Variants in DPP10 observed in about 807,000 individuals in gnomAD.
DPP10 encodes inactive dipeptidyl peptidase 10.
In DPP10, 33 loss-of-function variants were observed where a neutral mutation model predicts 120.9. The ratio of observed to expected loss-of-function variants is 0.27; its 90% CI spans 0.21 to 0.37. The LOEUF (loss-of-function observed/expected upper bound fraction) is 0.37. Among genes scored for constraint, DPP10 ranks in the 10% least tolerant of loss-of-function variants. The pLI is 1.00. For missense variants in DPP10, 816 were observed against 942.8 expected (o/e 0.87, Z 1.76); for synonymous variants, 337 against 326.1 (o/e 1.03, Z -0.36).
Position 114,800,368 on chromosome 2 carries a change from G to C in DPP10, c.60+357530G>C, listed in dbSNP as rs79101917. On this transcript the variant is annotated intron_variant, in intron 1 of 25. Transcript: ENST00000410059. ...TTACTTTTTATACATTCCAGATAAT[G>C]TGTTTTATTTTTCTAGAACACTGAT... Among the ~76,000 whole-genome samples the C allele has an allele frequency of 2.4e-4, 37 of 152,320 alleles. 1 individual carries two copies. The East Asian group carries it at 6.4e-3, about 26-fold the overall frequency.
intron 1 of DPP10, among the ~76,000 whole-genome samples, chr2:115,157,004 AAAAATAAAGAGC>A (rs1373070360): frequency 6.6e-6 from 1 of 152,172 alleles, no homozygotes; most frequent in Non-Finnish European, 1.5e-5. Flanking sequence ...ACAACTCTTA[AAAAATAAAGAGC>A]AAAATAAAGA....
chr2:114,611,752 C>G (rs569877220), intron 1 of DPP10, among the ~76,000 whole-genome samples: 1 of 152,108 alleles, frequency 6.6e-6, no homozygotes, highest in East Asian at 1.9e-4. Context: ...AATAAATCAC[C>G]CAAGATATTA....
chr2:114,597,325 A>C (rs1691996550), intron 1 of DPP10, among the ~76,000 whole-genome samples: 1 of 152,034 alleles, frequency 6.6e-6, no homozygotes, highest in Non-Finnish European at 1.5e-5. Flanking sequence ...AACATAATTC[A>C]GTCTTACAAG....
chr2:114,495,876 T>C (rs939674763), intron 1 of DPP10, among the ~76,000 whole-genome samples: 1 of 152,184 alleles, frequency 6.6e-6, no homozygotes, highest in South Asian at 2.1e-4. Context: ...TAACTGAATA[T>C]ATAGATAGAC....
At chr2:115,146,424 T>C (rs1243600597) in intron 1 of DPP10, among the ~76,000 whole-genome samples, 1 of 152,132 alleles carries the variant, frequency 6.6e-6, no homozygotes, top group Admixed American at 6.5e-5. Context: ...CTTTGAAGTA[T>C]ATTTACAAAA....
Position 114,546,335 on chromosome 2 carries a change from A to G in DPP10, c.60+103497A>G, listed in dbSNP as rs566021382. Among the ~76,000 whole-genome samples the G allele has an allele frequency of 5.3e-5, 8 of 152,256 alleles. No individual in the cohort carries two copies. The East Asian group carries it at 9.7e-4, about 18-fold the overall frequency. ...AAGAGCAAGTGGGGAGGTACCACAC[A>G]GTTTTAAATGACCAGATCTCATGAG... On this transcript the variant is annotated intron_variant, in intron 1 of 25. Coordinates refer to ENST00000410059, the MANE Select transcript of DPP10 (RefSeq NM_020868.6).
At chr2:114,683,482 T>TCCC in intron 1 of DPP10, among the ~76,000 whole-genome samples, 2 of 150,730 alleles carry the variant, frequency 1.3e-5, no homozygotes, top group Non-Finnish European at 3.0e-5. Flanking sequence ...TCCAACCTCC[T>TCCC]TTCCTTCCCT....
At chr2:115,457,532 A>T (rs1398130366) in intron 3 of DPP10, among the ~76,000 whole-genome samples, 1 of 152,150 alleles carries the variant, frequency 6.6e-6, no homozygotes, top group Non-Finnish European at 1.5e-5. Context: ...AGATTTTAAC[A>T]AATTTTTTAC....
intron 1 of DPP10, among the ~76,000 whole-genome samples, chr2:115,152,421 T>C (rs1308147811): frequency 6.6e-6 from 1 of 152,236 alleles, no homozygotes; most frequent in African/African-American, 2.4e-5. Context: ...AAACTTTACA[T>C]ACATGGCATT....
intron 1 of DPP10, among the ~76,000 whole-genome samples, chr2:115,120,429 A>G (rs2049763283): frequency 6.6e-6 from 1 of 151,258 alleles, no homozygotes; most frequent in African/African-American, 2.4e-5. Context: ...ATTGGACACA[A>G]ATATAGAAGG....
In DPP10 at chr2:115,094,592, C is replaced by A. The variant is rs1709561460; in HGVS notation, c.61-214647C>A. On this transcript the variant is annotated intron_variant, in intron 1 of 25. Coordinates refer to ENST00000410059, the MANE Select transcript of DPP10 (RefSeq NM_020868.6). The stretch of plus-strand genomic sequence containing the variant: ...GTCTTGTCTGATTAATTTTTACATT[C>A]CCTGGACCTAAAATAATACCTGTTT... Among the ~76,000 whole-genome samples the A allele has an allele frequency of 1.3e-5, 2 of 152,094 alleles. 1 individual carries two copies. Among genetic ancestry groups the A allele is most frequent in the Admixed American group, 1.3e-4 (2 of 15,252 alleles).
At chr2:115,622,489 T>C (rs2085025014) in intron 5 of DPP10, among the ~76,000 whole-genome samples, 1 of 150,342 alleles carries the variant, frequency 6.7e-6, no homozygotes, top group African/African-American at 2.4e-5. Flanking sequence ...CAAAAGGTTT[T>C]TCAGTGTTTC....
chr2:114,513,155 T>C (rs1289021222), intron 1 of DPP10, among the ~76,000 whole-genome samples: 3 of 152,182 alleles, frequency 2.0e-5, no homozygotes, highest in Admixed American at 2.0e-4. Flanking sequence ...TCTTCATTAC[T>C]TTTCTTAATT....
At chr2:115,379,482 G>A (rs2066110530) in intron 3 of DPP10, among the ~76,000 whole-genome samples, 1 of 151,966 alleles carries the variant, frequency 6.6e-6, no homozygotes, top group Non-Finnish European at 1.5e-5. Context: ...TGTCAATTTT[G>A]TTGATCCTTT....
chr2:115,233,212 A>AGT lies in DPP10; in HGVS notation c.61-76000_61-75999dup, dbSNP rs72071460. On this transcript the variant is annotated intron_variant, in intron 1 of 25. Transcript: ENST00000410059. ...GTTTTGCAATTGTGTAGGTATATTG[A>AGT]GTGTGTGTGTGTGTGTGTGTGTGTG... Among the ~76,000 whole-genome samples the AGT allele has an allele frequency of 7.9e-3, 1,173 of 148,920 alleles. 12 individuals are homozygous for AGT. The highest frequency in any genetic ancestry group is 0.017 in the African/African-American group (697 of 40,664).
At chr2:114,757,301 G>A (rs903767192) in intron 1 of DPP10, among the ~76,000 whole-genome samples, 1 of 141,992 alleles carries the variant, frequency 7.0e-6, no homozygotes, top group African/African-American at 2.6e-5. Flanking sequence ...AGAAAGGAAG[G>A]AAGAGGGAAG....
chr2:115,527,601 G>T (rs542540301), intron 5 of DPP10, among the ~76,000 whole-genome samples: 14 of 152,190 alleles, frequency 9.2e-5, no homozygotes, highest in African/African-American at 3.4e-4. Context: ...AAATTCCCAT[G>T]TGTGACAAAG....
At chr2:115,770,184 G>T (rs1435308292) in intron 13 of DPP10, among the ~76,000 whole-genome samples, 1 of 152,008 alleles carries the variant, frequency 6.6e-6, no homozygotes, top group African/African-American at 2.4e-5. Context: ...TAATGTCTTT[G>T]TAAAAGTATG....
At chr2:115,341,916 T>C (rs2063467370) in intron 2 of DPP10, among the ~76,000 whole-genome samples, 1 of 152,150 alleles carries the variant, frequency 6.6e-6, no homozygotes, top group Non-Finnish European at 1.5e-5. Context: ...TGTGTGTAGG[T>C]TTTTCTGTGT....
Sources: gnomAD v4.1 joint callset for allele counts (sites outside exome capture counted in the v4.1 genomes callset) on GRCh38, gnomAD v4.1.1 for gene constraint, MANE v1.5 for transcripts, NCBI Gene and HGNC (gene_info 2026-07-23, HGNC 2026-07-21) for gene names.